The following DLG3 variants were observed in gnomAD, a reference collection of about 807,000 sequenced individuals.
The protein encoded by DLG3 is disks large homolog 3.
Under a neutral mutation model 64.1 loss-of-function variants are expected in DLG3, and 1 was observed. The ratio of observed to expected loss-of-function variants is 0.02; its 90% confidence interval spans 0.01 to 0.07. DLG3 has a LOEUF of 0.07. DLG3 is among the 10% of genes least tolerant of loss of function. The pLI is 1.00. For missense variants in DLG3, 429 were observed against 669.5 expected (o/e 0.64, Z 3.96); for synonymous variants, 245 against 259.8 (o/e 0.94, Z 0.55).
At chrX:70,496,973 A>G (rs1377412831) in intron 13 of DLG3, among the ~76,000 whole-genome samples, 1 of 112,439 alleles carries the variant, frequency 8.9e-6, no homozygotes, top group Non-Finnish European at 1.9e-5. Context: ...TGGCAGACCA[A>G]GAGGGCTCTG....
intron 9 of DLG3, chrX:70,455,129 C>T: frequency 1.4e-6 from 1 of 737,299 alleles, no homozygotes. Flanking sequence ...CCTCCTCCTC[C>T]CTCCTTCCCC....
chrX:70,474,938 G>A (rs1388904022), intron 9 of DLG3, among the ~76,000 whole-genome samples: 4 of 111,680 alleles, frequency 3.6e-5, no homozygotes, highest in Non-Finnish European at 5.6e-5. Flanking sequence ...AGGATGTTGG[G>A]GTTCAATTTG....
At chrX:70,461,761 T>C (rs892147826) in intron 9 of DLG3, among the ~76,000 whole-genome samples, 1 of 110,985 alleles carries the variant, frequency 9.0e-6, no homozygotes, top group African/African-American at 3.3e-5. Flanking sequence ...GGTTTCACCA[T>C]GTTGGCCAGG....
chrX:70,479,100 C>T (rs755142443), intron 9 of DLG3, 50 bp from the exon 10 acceptor site: 18 of 1,109,005 alleles, frequency 1.6e-5, no homozygotes, highest in Non-Finnish European at 2.2e-5. Context: ...AGCTCAGAGG[C>T]GCTCCTTGAG....
At chrX:70,493,448 A>G in intron 12 of DLG3, 1 of 1,208,349 alleles carries the variant, frequency 8.3e-7, no homozygotes, top group Admixed American at 2.2e-5. Context: ...CAAAGAAAAC[A>G]TGGCCCAGGA....
At chrX:70,489,127 T>G (rs946454601) in intron 10 of DLG3, among the ~76,000 whole-genome samples, 3 of 111,747 alleles carry the variant, frequency 2.7e-5, no homozygotes, top group South Asian at 3.7e-4. Context: ...TGGCTTAATG[T>G]TTTTTGAAAA....
chrX:70,469,484 C>T (rs891090596), intron 9 of DLG3, among the ~76,000 whole-genome samples: 1 of 108,376 alleles, frequency 9.2e-6, no homozygotes, highest in African/African-American at 3.4e-5. Context: ...ACTCTGTCAC[C>T]CAGGATGGAG....
chrX:70,485,883 G>A (rs147278967), intron 10 of DLG3, among the ~76,000 whole-genome samples: 3 of 111,705 alleles, frequency 2.7e-5, no homozygotes, highest in Admixed American at 9.6e-5. Flanking sequence ...TCTAGAGCAC[G>A]TACATTATCC....
intron 9 of DLG3, among the ~76,000 whole-genome samples, chrX:70,478,012 T>C (rs1391067740): frequency 8.9e-6 from 1 of 111,906 alleles, no homozygotes; most frequent in Non-Finnish European, 1.9e-5. Context: ...TTTTTTCCCC[T>C]GGAAGTGTGT....
rs757058275 is a variant in DLG3, at chrX:70,450,084, T to C, written c.704-85T>C. ...GCTCCTGTGGGGCCAGTGGGTTGGC[T>C]GGGGGAGGGGGTTTGGATTTGGGAT... On this transcript the variant is annotated intron_variant, in intron 4 of 18. Coordinates refer to ENST00000374360, the MANE Select transcript of DLG3 (RefSeq NM_021120.4). 31 of 1,149,919 alleles carry C rather than the reference T, an allele frequency of 2.7e-5. No homozygotes were observed. In the South Asian group the frequency reaches 6.1e-4, roughly 23 times the overall value. The allele number at this position is 1,149,919 out of a possible 1,213,427, so 94.8% of individuals were successfully genotyped here. A position where few individuals can be genotyped will look rare whatever the true frequency, so the allele number is the denominator to read the frequency against.
chrX:70,502,154 T>A lies in DLG3; in HGVS notation c.2348-9T>A. On this transcript the variant is annotated splice_polypyrimidine_tract_variant and intron_variant, in intron 18 of 18. Coordinates refer to ENST00000374360, the MANE Select transcript of DLG3 (RefSeq NM_021120.4). Reference sequence around the variant, plus strand: ...CACAGTAATAATTTTGTTTTCCTCTTCACTTTAGCCATTGTACAGGGTGAC... The same window carrying A: ...CACAGTAATAATTTTGTTTTCCTCTACACTTTAGCCATTGTACAGGGTGAC... 1.7e-6 allele frequency: 2 copies of A among 1,187,428 alleles called. No individual in the cohort carries two copies. The highest frequency in any genetic ancestry group is 2.3e-6 in the Non-Finnish European group (2 of 874,129).
intron 9 of DLG3, among the ~76,000 whole-genome samples, chrX:70,466,938 G>T (rs2086896451): frequency 1.8e-5 from 2 of 108,783 alleles, no homozygotes; most frequent in African/African-American, 6.7e-5. Flanking sequence ...TTAGAGACAG[G>T]GTCTGGCTTT....
chrX:70,476,507 G>A (rs1417700746), intron 9 of DLG3, among the ~76,000 whole-genome samples: 1 of 111,972 alleles, frequency 8.9e-6, no homozygotes, highest in African/African-American at 3.2e-5. Context: ...TATTTAAGAT[G>A]AGGTAGTATC....
At chrX:70,498,708 TC>T in intron 14 of DLG3, 138 bp downstream of exon 14, 1 of 584,110 alleles carries the variant, frequency 1.7e-6, no homozygotes, top group Non-Finnish European at 2.9e-6. Flanking sequence ...GCCCCTGGGC[TC>T]CTTCTTCTCT....
chrX:70,497,192 C>T, intron 13 of DLG3: 1 of 1,211,337 alleles, frequency 8.3e-7, no homozygotes, highest in Non-Finnish European at 1.1e-6. Context: ...GGAGTGACAT[C>T]CAACACCAGT....
In DLG3 at chrX:70,487,059, A is replaced by T. The variant is rs776056586; in HGVS notation, c.1521-5048A>T. Among the ~76,000 whole-genome samples, 3 of 112,426 alleles carry T rather than the reference A, an allele frequency of 2.7e-5. No individual in the cohort carries two copies. The South Asian group carries it at 1.1e-3, about 42-fold the overall frequency. On this transcript the variant is annotated intron_variant, in intron 10 of 18. Coordinates refer to ENST00000374360, the MANE Select transcript of DLG3 (RefSeq NM_021120.4). The stretch of plus-strand genomic sequence containing the variant: ...AAAAAATTATTAAGGTCTAATTTAC[A>T]TACTTTTTTTGGTTACACGAAATAT...
chrX:70,488,115 G>T (rs909794509), intron 10 of DLG3, among the ~76,000 whole-genome samples: 1 of 109,326 alleles, frequency 9.1e-6, no homozygotes. Context: ...GGGTTCAAGC[G>T]ATTCTCCTGC....
In DLG3 at chrX:70,449,719, A is replaced by T. The variant is rs1255118489; in HGVS notation, c.563A>T (p.Glu188Val). Residue 188 changes from glutamate to valine, a missense_variant, in exon 4 of 19, where the codon GAG (glutamate) becomes GTG (valine). Glu to Val is a moderately radical substitution (Grantham distance 121, BLOSUM62 -2). Transcript: ENST00000374360. ...AATGACTGTGTGCTGCGGGTGAATG[A>T]GGTGGACGTGTCGGAGGTGGTACAC... is the stretch of plus-strand genomic sequence containing the variant. ...GVNDCVLRVN[E>V]VDVSEVVHSR... is the part of the protein sequence containing the mutation. 8.3e-7 allele frequency: 1 copy of T among 1,209,241 alleles called. No homozygotes were observed. Among genetic ancestry groups the T allele is most frequent in the Non-Finnish European group, 1.1e-6 (1 of 895,055 alleles).
intron 4 of DLG3, 117 bp from the exon 5 acceptor site, chrX:70,450,051 CG>C (rs1489601036): frequency 2.9e-6 from 3 of 1,046,278 alleles, no homozygotes; most frequent in Admixed American, 2.6e-5. Flanking sequence ...TTGGATCCCC[CG>C]GGGGGAGCTC....
Sources: allele counts gnomAD v4.1 joint callset (sites outside exome capture counted in the v4.1 genomes callset), GRCh38; gene constraint gnomAD v4.1.1; transcripts MANE v1.5; gene names NCBI Gene and HGNC (gene_info 2026-07-23, HGNC 2026-07-21).